The following PIEZO2 variants were observed in gnomAD, a reference collection of about 807,000 sequenced individuals.
PIEZO2 encodes the protein piezo type mechanosensitive ion channel component 2.
PIEZO2 carries 172 observed loss-of-function variants against 337.3 expected under a neutral mutation model. That is an observed-to-expected ratio of 0.51 (90% CI 0.45 to 0.58). PIEZO2 has a LOEUF of 0.58. Ranked by LOEUF, PIEZO2 falls within the 20% of genes least tolerant of loss-of-function variation. The pLI is 0.00. For synonymous variants in PIEZO2, 1,251 were observed against 1,228.5 expected (o/e 1.02, Z -0.38); for missense variants, 3,028 against 3,391.3 (o/e 0.89, Z 2.66).
In PIEZO2 at chr18:10,979,286, A is replaced by G. The variant is rs1332769060; in HGVS notation, c.286+249T>C. On this transcript the variant is annotated intron_variant, in intron 3 of 55. Transcript: ENST00000674853. The surrounding 1 kb of genome is among the most constrained non-coding windows in gnomAD (Gnocchi z 4.0). Reference sequence around the variant, plus strand: ...GTTAAGCTCAATGAAAATGTCTTACATGCAGATAGGAGGTGATCTCCAATA... The same window carrying G: ...GTTAAGCTCAATGAAAATGTCTTACGTGCAGATAGGAGGTGATCTCCAATA... Among the ~76,000 whole-genome samples the G allele has an allele frequency of 6.6e-6, 1 of 151,870 alleles. No homozygotes were observed. The highest frequency in any genetic ancestry group is 1.5e-5 in the Non-Finnish European group (1 of 68,010).
At chr18:10,725,768 G>C (rs1202226809) in intron 36 of PIEZO2, among the ~76,000 whole-genome samples, 1 of 152,234 alleles carries the variant, frequency 6.6e-6, no homozygotes, top group African/African-American at 2.4e-5. Context: ...ACAGGCCAGA[G>C]GGAGAACGCT....
In PIEZO2 at chr18:10,979,720, T is replaced by C. The variant is rs2145487810; in HGVS notation, c.161-60A>G. 1 of 1,424,522 alleles carries C rather than the reference T, an allele frequency of 7.0e-7. No homozygotes were observed. Among genetic ancestry groups the C allele is most frequent in the Non-Finnish European group, 9.3e-7 (1 of 1,075,826 alleles). The allele number at this position is 1,424,522 out of a possible 1,614,324, so 88.2% of individuals were successfully genotyped here. ...CTTAAGATGAAACACACTGGTGCTG[T>C]CTCTTGTACATATTTCTGTATAACC... is the stretch of plus-strand genomic sequence containing the variant. On this transcript the variant is annotated intron_variant, in intron 2 of 55. Coordinates refer to ENST00000674853, the MANE Select transcript of PIEZO2 (RefSeq NM_001378183.1). This position sits in a 1 kb window ranked among gnomAD's most constrained non-coding sequence, Gnocchi z 4.0.
chr18:10,871,860 A>G (rs1287101990), intron 4 of PIEZO2, among the ~76,000 whole-genome samples: 3 of 152,228 alleles, frequency 2.0e-5, no homozygotes, highest in African/African-American at 7.2e-5. Flanking sequence ...GGACCTCTTC[A>G]TTATTTTGTA....
intron 48 of PIEZO2, among the ~76,000 whole-genome samples, chr18:10,690,182 T>C (rs2034746587): frequency 6.6e-6 from 1 of 152,044 alleles, no homozygotes; most frequent in Non-Finnish European, 1.5e-5. Flanking sequence ...GTGGTGCACC[T>C]GGTAGGTTAA....
chr18:10,918,249 T>C (rs2031144568), intron 3 of PIEZO2, among the ~76,000 whole-genome samples: 2 of 152,160 alleles, frequency 1.3e-5, no homozygotes, highest in Admixed American at 6.5e-5. Context: ...AAAGTAATTG[T>C]AAAAGAGATA....
chr18:10,930,326 A>G (rs2032002896), intron 3 of PIEZO2, among the ~76,000 whole-genome samples: 1 of 152,094 alleles, frequency 6.6e-6, no homozygotes, highest in South Asian at 2.1e-4. Flanking sequence ...GGCTTCCACA[A>G]CTCCCACCCT....
chr18:10,712,637 G>A (rs776203332), intron 39 of PIEZO2, among the ~76,000 whole-genome samples: 4 of 152,172 alleles, frequency 2.6e-5, no homozygotes, highest in African/African-American at 7.2e-5. Flanking sequence ...ACACAGTGAC[G>A]CTCTGGTAAC....
intron 1 of PIEZO2, among the ~76,000 whole-genome samples, chr18:11,138,626 A>G (rs2040554776): frequency 6.6e-6 from 1 of 152,208 alleles, no homozygotes; most frequent in Non-Finnish European, 1.5e-5. Context: ...TGCTATCTGT[A>G]TATTGAGGAG....
At chr18:11,144,397 T>G (rs759228949) in intron 1 of PIEZO2, among the ~76,000 whole-genome samples, 17 of 152,304 alleles carry the variant, frequency 1.1e-4, no homozygotes, top group Non-Finnish European at 2.4e-4. Flanking sequence ...ATGAATCCTT[T>G]GGCAGCTGCA....
chr18:10,923,134 CCGT>C (rs1232295349), intron 3 of PIEZO2, among the ~76,000 whole-genome samples: 2 of 152,254 alleles, frequency 1.3e-5, no homozygotes, highest in South Asian at 2.1e-4. Context: ...GTTTCCTGCA[CCGT>C]CTCATAAGCA....
Position 10,748,748 on chromosome 18 carries a change from C to T in PIEZO2, c.4265-118G>A, listed in dbSNP as rs1310288600. The T allele has an allele frequency of 1.1e-6, 1 of 890,478 alleles. No homozygotes were observed. Among genetic ancestry groups the T allele is most frequent in the Non-Finnish European group, 1.6e-6 (1 of 616,730 alleles). The allele number at this position is 890,478 out of a possible 1,614,324, so 55.2% of individuals were successfully genotyped here. ...TAGGCATAAAAGCAGCATTCTGATGCTCTGACTTACTTATGAGTTGATTTA... is the reference window on the plus strand; with the variant it reads ...TAGGCATAAAAGCAGCATTCTGATGTTCTGACTTACTTATGAGTTGATTTA... On this transcript the variant is annotated intron_variant, in intron 29 of 55. Transcript: ENST00000674853. The surrounding 1 kb of genome is among the most constrained non-coding windows in gnomAD (Gnocchi z 5.1).
In PIEZO2 at chr18:10,846,960, T is replaced by C. The variant is rs192626637; in HGVS notation, c.917+8393A>G. ...CTACAACAATAAAAATCAGTAGCAC[T>C]TGATATGCTCTCTCCTGCTTACTAC... On this transcript the variant is annotated intron_variant, in intron 7 of 55. Coordinates refer to ENST00000674853, the MANE Select transcript of PIEZO2 (RefSeq NM_001378183.1). The surrounding 1 kb of genome is among the most constrained non-coding windows in gnomAD (Gnocchi z 4.1). Among the ~76,000 whole-genome samples the C allele has an allele frequency of 1.6e-4, 25 of 152,274 alleles. No individual in the cohort carries two copies. Among genetic ancestry groups the C allele is most frequent in the African/African-American group, 5.8e-4 (24 of 41,544 alleles).
At chr18:11,040,875 TA>T (rs1371417947) in intron 2 of PIEZO2, among the ~76,000 whole-genome samples, 1 of 152,202 alleles carries the variant, frequency 6.6e-6, no homozygotes, top group Non-Finnish European at 1.5e-5. Context: ...AAATAACACT[TA>T]AAATAAAAGA....
intron 38 of PIEZO2, 39 bp downstream of exon 38, chr18:10,715,611 T>A (rs1224020917): frequency 2.7e-6 from 4 of 1,468,230 alleles, no homozygotes; most frequent in East Asian, 5.0e-5. Flanking sequence ...GTCTTCTTAA[T>A]GTGGGAAGGA....
intron 3 of PIEZO2, among the ~76,000 whole-genome samples, chr18:10,938,390 G>A (rs955625817): frequency 5.3e-5 from 8 of 152,218 alleles, no homozygotes; most frequent in African/African-American, 1.9e-4. Flanking sequence ...ATAGCAGCAA[G>A]GTCTGACCAC....
chr18:11,014,010 A>G (rs2035994827), intron 2 of PIEZO2, among the ~76,000 whole-genome samples: 1 of 152,250 alleles, frequency 6.6e-6, no homozygotes, highest in Non-Finnish European at 1.5e-5. Flanking sequence ...GAGAAGAATG[A>G]AAAGGTAAAG....
rs750736757 is a variant in PIEZO2 at position 10,705,396 on chromosome 18, C to T, written c.5939G>A (p.Gly1980Glu). 10 of 1,537,090 alleles carry T rather than the reference C, an allele frequency of 6.5e-6. No individual in the cohort carries two copies. The highest frequency in any genetic ancestry group is 8.7e-6 in the Non-Finnish European group (10 of 1,146,912). The change falls in exon 41 of 56, where the codon GGG becomes GAG. Residue 1980 changes from glycine (G) to glutamate (E), a missense_variant. This residue lies in a region of PIEZO2 where 1,925 missense variants were observed against 2,051.9 expected (regional missense o/e 0.94). Coordinates refer to ENST00000674853, the MANE Select transcript of PIEZO2 (RefSeq NM_001378183.1). ...GGTCAGGGGAGGTAAGATGCTGGAC[C>T]CCAGCTTGTCGGTGCGGCTGTCGTC... ...SPDDSRTDKL[G>E]SSILPPLTHE...
rs1301954141 is a variant in PIEZO2, at chr18:11,127,150, A to C, written c.64+21375T>G. ...GAGTAAGTCCTGTGGAGATAATGAC[A>C]GAAGTGTGTTGTGACGGTGAGTGAC... On this transcript the variant is annotated intron_variant, in intron 1 of 55. Transcript: ENST00000674853. The surrounding 1 kb of genome is among the most constrained non-coding windows in gnomAD (Gnocchi z 4.5). 6.6e-6 allele frequency among the ~76,000 whole-genome samples: 1 copy of C among 152,204 alleles called. No individual in the cohort carries two copies. Among genetic ancestry groups the C allele is most frequent in the African/African-American group, 2.4e-5 (1 of 41,444 alleles).
At chr18:11,060,087 C>G (rs2037886164) in intron 2 of PIEZO2, among the ~76,000 whole-genome samples, 1 of 152,142 alleles carries the variant, frequency 6.6e-6, no homozygotes, top group Non-Finnish European at 1.5e-5. Context: ...CAAACTAGAA[C>G]TCAGGATTAA....
Sources: allele counts gnomAD v4.1 joint callset (sites outside exome capture counted in the v4.1 genomes callset), GRCh38; gene constraint gnomAD v4.1.1; regional missense constraint gnomAD v4.1.1; non-coding constraint Gnocchi (gnomAD v3.1); transcripts MANE v1.5; gene names NCBI Gene and HGNC (gene_info 2026-07-23, HGNC 2026-07-21).